The following TRAPPC9 variants were observed in gnomAD, a reference collection of about 807,000 sequenced individuals.
TRAPPC9 encodes trafficking protein particle complex subunit 9.
In TRAPPC9, 83 loss-of-function variants were observed where a neutral mutation model predicts 124.0. The ratio of observed to expected loss-of-function variants is 0.67; its 90% confidence interval spans 0.56 to 0.80. TRAPPC9 has a LOEUF of 0.80. TRAPPC9 is among the 30% of genes least tolerant of loss of function. The probability of loss-of-function intolerance (pLI) is 0.00; values close to 1 mark genes in which losing one functional copy is unlikely to be tolerated. For synonymous variants in TRAPPC9, 638 were observed against 617.5 expected, an observed-to-expected ratio of 1.03 and a Z score of -0.49; for missense variants, 1,302 against 1,508.3, an observed-to-expected ratio of 0.86 and a Z score of 2.27.
chr8:139,757,053 G>C (rs1172428733), intron 21 of TRAPPC9, among the ~76,000 whole-genome samples: 4 of 135,270 alleles, frequency 3.0e-5, no homozygotes, highest in Admixed American at 7.2e-5. Flanking sequence ...GAGGAGCCAG[G>C]GTTTGGGGAT....
At chr8:140,012,521 CG>C (rs1839205660) in intron 18 of TRAPPC9, among the ~76,000 whole-genome samples, 1 of 152,204 alleles carries the variant, frequency 6.6e-6, no homozygotes, top group Admixed American at 6.5e-5. Context: ...CCCGACAGCC[CG>C]ATAAGGAGGC....
chr8:139,911,742 T>A (rs950179785), intron 19 of TRAPPC9, among the ~76,000 whole-genome samples: 2 of 151,544 alleles, frequency 1.3e-5, no homozygotes, highest in Non-Finnish European at 2.9e-5. Context: ...TTTTTTATTA[T>A]TGCATAGATT....
chr8:140,175,466 G>T (rs946848964), intron 17 of TRAPPC9, among the ~76,000 whole-genome samples: 13 of 152,184 alleles, frequency 8.5e-5, no homozygotes, highest in Non-Finnish European at 1.9e-4. Flanking sequence ...GTTCCAGCAT[G>T]TTTCCTACTT....
chr8:140,340,740 G>A (rs752877294), intron 9 of TRAPPC9, among the ~76,000 whole-genome samples: 1 of 152,080 alleles, frequency 6.6e-6, no homozygotes, highest in Non-Finnish European at 1.5e-5. Context: ...AAGCATCATC[G>A]TCCCCTTCCT....
intron 21 of TRAPPC9, among the ~76,000 whole-genome samples, chr8:139,769,961 C>G (rs988418419): frequency 2.0e-5 from 3 of 152,212 alleles, no homozygotes; most frequent in Admixed American, 6.5e-5. Flanking sequence ...TCCTGCAACT[C>G]CCCAGGGAAG....
rs1289133862 is a variant in TRAPPC9 at position 140,182,640 on chromosome 8, A to G, written c.2556+38819T>C. Among the ~76,000 whole-genome samples, 3 of 152,150 alleles carry G rather than the reference A, an allele frequency of 2.0e-5. No homozygotes were observed. The highest frequency in any genetic ancestry group is 3.9e-4 in the East Asian group (2 of 5,186). ...CAGAGTCTTTCCATTTCATTCTCCA[A>G]TAAAGAATATTAGGAGCTGGCAGAA... is the stretch of plus-strand genomic sequence containing the variant. On this transcript the variant is annotated intron_variant, in intron 17 of 22. Coordinates refer to ENST00000438773, the MANE Select transcript of TRAPPC9 (RefSeq NM_001160372.4). This position sits in a 1 kb window ranked among gnomAD's most constrained non-coding sequence, Gnocchi z 4.0.
chr8:140,380,070 T>C (rs1321200848), intron 7 of TRAPPC9, among the ~76,000 whole-genome samples: 1 of 152,156 alleles, frequency 6.6e-6, no homozygotes. Flanking sequence ...AGCTGACTTA[T>C]TTGGAGAAAT....
intron 21 of TRAPPC9, among the ~76,000 whole-genome samples, chr8:139,767,444 C>T (rs1050538146): frequency 1.3e-5 from 2 of 152,190 alleles, no homozygotes; most frequent in East Asian, 1.9e-4. Flanking sequence ...GGCAGCATCC[C>T]GTCCTCACGA....
intron 9 of TRAPPC9, among the ~76,000 whole-genome samples, chr8:140,348,068 C>G (rs2067404691): frequency 6.6e-6 from 1 of 152,256 alleles, no homozygotes; most frequent in African/African-American, 2.4e-5. Context: ...CAGATGACAA[C>G]TGAACAAAAA....
intron 21 of TRAPPC9, among the ~76,000 whole-genome samples, chr8:139,785,810 T>A (rs1482143342): frequency 1.3e-5 from 2 of 152,152 alleles, no homozygotes; most frequent in Admixed American, 1.3e-4. Context: ...ATTAAGAGAA[T>A]GAAAAGACAA....
chr8:140,093,656 C>T (rs1036196943), intron 17 of TRAPPC9, among the ~76,000 whole-genome samples: 6 of 132,250 alleles, frequency 4.5e-5, no homozygotes, highest in East Asian at 4.4e-4. Context: ...CGAGAGAGCA[C>T]GACTTCGTCT....
intron 21 of TRAPPC9, among the ~76,000 whole-genome samples, chr8:139,783,940 A>C (rs1474455274): frequency 6.6e-6 from 1 of 152,252 alleles, no homozygotes; most frequent in Non-Finnish European, 1.5e-5. Flanking sequence ...ACTACACAAC[A>C]TTCATTCCTG....
chr8:140,357,269 T>C (rs2067781510), intron 9 of TRAPPC9, among the ~76,000 whole-genome samples: 1 of 150,880 alleles, frequency 6.6e-6, no homozygotes, highest in African/African-American at 2.4e-5. Flanking sequence ...ACAGGGGAGG[T>C]GCACCGGCCC....
intron 16 of TRAPPC9, among the ~76,000 whole-genome samples, chr8:140,230,011 C>A (rs1185533686): frequency 6.6e-6 from 1 of 152,194 alleles, no homozygotes; most frequent in African/African-American, 2.4e-5. Context: ...TGGCAGTGCA[C>A]ACAGACAGAC....
intron 17 of TRAPPC9, among the ~76,000 whole-genome samples, chr8:140,144,973 A>G (rs1052352139): frequency 1.3e-5 from 2 of 151,788 alleles, no homozygotes; most frequent in African/African-American, 4.8e-5. Context: ...TCACGGGTTC[A>G]TGTGATTCTC....
chr8:140,090,286 A>G (rs189620235), intron 17 of TRAPPC9, among the ~76,000 whole-genome samples: 3 of 152,032 alleles, frequency 2.0e-5, no homozygotes, highest in African/African-American at 7.2e-5. Context: ...ACGGAAACAC[A>G]CTGTTCACCT....
intron 1 of TRAPPC9, among the ~76,000 whole-genome samples, chr8:140,456,246 A>G (rs1328179167): frequency 1.3e-5 from 2 of 152,044 alleles, no homozygotes; most frequent in African/African-American, 2.4e-5. Flanking sequence ...CGTCTCTACT[A>G]AAAATACAAA....
chr8:139,792,738 G>C (rs1822785276), intron 21 of TRAPPC9, among the ~76,000 whole-genome samples: 1 of 152,266 alleles, frequency 6.6e-6, no homozygotes, highest in Admixed American at 6.5e-5. Context: ...GTGCATTGCA[G>C]AGCTGGACCC....
intron 21 of TRAPPC9, among the ~76,000 whole-genome samples, chr8:139,852,636 G>C (rs1827554889): frequency 6.6e-6 from 1 of 152,194 alleles, no homozygotes. Context: ...CAATATTTCA[G>C]ACAATCAGTT....
Sources: allele counts gnomAD v4.1 joint callset (sites outside exome capture counted in the v4.1 genomes callset), GRCh38; gene constraint gnomAD v4.1.1; non-coding constraint Gnocchi (gnomAD v3.1); transcripts MANE v1.5; gene names NCBI Gene and HGNC (gene_info 2026-07-23, HGNC 2026-07-21).